The following SLC66A3 variants were observed in gnomAD, a reference collection of about 807,000 sequenced individuals.
The protein encoded by SLC66A3 is solute carrier family 66 member 3, also known as PQ loop repeat containing 3.
SLC66A3 carries 23 observed loss-of-function variants against 25.5 expected under a neutral mutation model. That is an observed-to-expected ratio of 0.90 (90% confidence interval 0.65 to 1.28). The LOEUF is 1.28. SLC66A3 is among the 50% of genes most tolerant of loss of function. The pLI is 0.00. For missense variants in SLC66A3, 246 were observed against 262.1 expected (o/e 0.94, Z 0.42); for synonymous variants, 108 against 112.6 (o/e 0.96, Z 0.26).
chr2:11,158,781 T>C (rs994889785), intron 1 of SLC66A3, among the ~76,000 whole-genome samples: 13 of 152,116 alleles, frequency 8.5e-5, no homozygotes, highest in Non-Finnish European at 1.5e-4. Flanking sequence ...ATCGCGCCAC[T>C]GCACTCCAGC....
At position 11,177,970 on chromosome 2, in the gene SLC66A3, G is replaced by GA. The variant is rs1464125095; in HGVS notation, c.*145dup. On this transcript the variant is annotated 3_prime_UTR_variant, in exon 7 of 7. Coordinates refer to ENST00000295083, the MANE Select transcript of SLC66A3 (RefSeq NM_152391.5). ...GCCAAAGGTTTTTTTAGACTTGAAAGAAAGAGCCACTTAAATTCTTGTTTA... is the reference window on the plus strand; with the variant it reads ...GCCAAAGGTTTTTTTAGACTTGAAAGAAAAGAGCCACTTAAATTCTTGTTTA... The GA allele has an allele frequency of 2.4e-4, 145 of 598,148 alleles. No homozygotes were observed. Among genetic ancestry groups the GA allele is most frequent in the Non-Finnish European group, 3.8e-4 (130 of 345,366 alleles). The allele number at this position is 598,148 out of a possible 1,614,324, so 37.1% of individuals were successfully genotyped here. A position where few individuals can be genotyped will look rare whatever the true frequency, so the allele number is the denominator to read the frequency against.
intron 4 of SLC66A3, among the ~76,000 whole-genome samples, chr2:11,165,116 A>G (rs1662273910): frequency 6.6e-6 from 1 of 150,552 alleles, no homozygotes; most frequent in Admixed American, 6.6e-5. Context: ...GGCCGGGCAG[A>G]GGCACCCCCC....
At chr2:11,176,545 T>C (rs1662752496) in intron 6 of SLC66A3, among the ~76,000 whole-genome samples, 3 of 134,686 alleles carry the variant, frequency 2.2e-5, no homozygotes, top group Non-Finnish European at 3.2e-5. Context: ...TTTTTTTTTT[T>C]TGAGACGGAG....
At chr2:11,167,913 CTG>C (rs1165932395) in intron 4 of SLC66A3, among the ~76,000 whole-genome samples, 1 of 152,210 alleles carries the variant, frequency 6.6e-6, no homozygotes, top group African/African-American at 2.4e-5. Context: ...AGGTCCTAAA[CTG>C]TGCTTTCATG....
chr2:11,177,657 T>C, intron 6 of SLC66A3, 80 bp from the exon 7 acceptor site: 1 of 817,636 alleles, frequency 1.2e-6, no homozygotes, highest in Non-Finnish European at 1.9e-6. Flanking sequence ...AAGCTTTATT[T>C]AGGCTTATAC....
chr2:11,159,730 A>G (rs7601432), intron 1 of SLC66A3, among the ~76,000 whole-genome samples: 31,168 of 152,042 alleles, frequency 0.2, 3,711 homozygotes, highest in Non-Finnish European at 0.26. Flanking sequence ...CTGGGTGATG[A>G]GACAAACAGG....
At chr2:11,177,181 T>C (rs1346502560) in intron 6 of SLC66A3, among the ~76,000 whole-genome samples, 2 of 151,954 alleles carry the variant, frequency 1.3e-5, no homozygotes, top group African/African-American at 4.8e-5. Flanking sequence ...CTTCTTAGGC[T>C]GGGCACAGTG....
At chr2:11,155,883 C>A (rs150099004) in intron 1 of SLC66A3, among the ~76,000 whole-genome samples, 194 bp downstream of exon 1, 101 of 152,338 alleles carry the variant, frequency 6.6e-4, no homozygotes, top group Non-Finnish European at 1.2e-3. Context: ...CACCCGCGTA[C>A]ATTGTTTCTC....
At chr2:11,166,421 TGCCTGCCACACG>T (rs549659785) in intron 4 of SLC66A3, among the ~76,000 whole-genome samples, 159 of 152,324 alleles carry the variant, frequency 1.0e-3, no homozygotes, top group African/African-American at 3.6e-3. Context: ...CACAGGGCAC[TGCCTGCCACACG>T]CAGACTCATG....
intron 4 of SLC66A3, among the ~76,000 whole-genome samples, chr2:11,167,542 CTA>C (rs547467523): frequency 9.5e-4 from 145 of 152,360 alleles, no homozygotes; most frequent in African/African-American, 3.4e-3. Context: ...TCTATTCTAA[CTA>C]TAACATTGAT....
At chr2:11,177,635 A>G (rs2148006765) in intron 6 of SLC66A3, 102 bp from the exon 7 acceptor site, 3 of 657,796 alleles carry the variant, frequency 4.6e-6, no homozygotes, top group Middle Eastern at 7.1e-4. Flanking sequence ...TTCATTTCGG[A>G]GGTTGGGGGT....
intron 6 of SLC66A3, among the ~76,000 whole-genome samples, chr2:11,176,228 T>C (rs1169342209): frequency 4.6e-5 from 7 of 152,216 alleles, no homozygotes; most frequent in African/African-American, 1.7e-4. Flanking sequence ...GTTGTTGTTT[T>C]GTTTTGAGAT....
intron 4 of SLC66A3, among the ~76,000 whole-genome samples, chr2:11,170,408 G>A (rs1310230168): frequency 6.6e-6 from 1 of 152,132 alleles, no homozygotes; most frequent in African/African-American, 2.4e-5. Context: ...GCTGTGCAGA[G>A]CAGCAGGCTT....
At chr2:11,176,083 A>G (rs1662729122) in intron 6 of SLC66A3, among the ~76,000 whole-genome samples, 1 of 152,242 alleles carries the variant, frequency 6.6e-6, no homozygotes, top group African/African-American at 2.4e-5. Context: ...CATGGAAAGG[A>G]AAGTCAAACC....
intron 3 of SLC66A3, among the ~76,000 whole-genome samples, chr2:11,161,519 T>C (rs1399285843): frequency 6.6e-6 from 1 of 151,756 alleles, no homozygotes; most frequent in African/African-American, 2.4e-5. Context: ...TTACAAGATG[T>C]TTTAACCTTT....
intron 1 of SLC66A3, among the ~76,000 whole-genome samples, chr2:11,159,622 G>C (rs996037844): frequency 6.6e-6 from 1 of 152,172 alleles, no homozygotes; most frequent in African/African-American, 2.4e-5. Context: ...AGACCCTGGG[G>C]GGCCCCTCCT....
chr2:11,169,629 G>T (rs1045959591), intron 4 of SLC66A3, among the ~76,000 whole-genome samples: 1 of 151,696 alleles, frequency 6.6e-6, no homozygotes, highest in Non-Finnish European at 1.5e-5. Flanking sequence ...GTGTTCCCAG[G>T]GCTCCAGCAC....
In SLC66A3 at chr2:11,177,933, A is replaced by G; in HGVS notation, c.*105A>G. On this transcript the variant is annotated 3_prime_UTR_variant, in exon 7 of 7. Transcript: ENST00000295083. ...TTTTATAAATTTAGTAAATCAGTTT[A>G]TAATCTTTAAAGCCAAAGGTTTTTT... 1.4e-6 allele frequency: 1 copy of G among 717,960 alleles called. No homozygotes were observed. 44.5% of individuals were successfully genotyped at this position (717,960 alleles called of 1,614,324 possible). A position where few individuals can be genotyped will look rare whatever the true frequency, so the allele number is the denominator to read the frequency against.
At chr2:11,176,075 TGGAAA>T (rs1662728869) in intron 6 of SLC66A3, among the ~76,000 whole-genome samples, 1 of 152,138 alleles carries the variant, frequency 6.6e-6, no homozygotes, top group African/African-American at 2.4e-5. Flanking sequence ...ATTCTCAGCA[TGGAAA>T]GGAAAGTCAA....
Sources: allele counts gnomAD v4.1 joint callset (sites outside exome capture counted in the v4.1 genomes callset), GRCh38; gene constraint gnomAD v4.1.1; transcripts MANE v1.5; gene names NCBI Gene and HGNC (gene_info 2026-07-23, HGNC 2026-07-21).